The following UBAP2L variants were observed in gnomAD, a reference collection of about 807,000 sequenced individuals.
The protein encoded by UBAP2L is ubiquitin-associated protein 2-like.
UBAP2L carries 12 observed loss-of-function variants against 130.6 expected under a neutral mutation model. The ratio of observed to expected loss-of-function variants is 0.09; its 90% CI spans 0.06 to 0.15. The LOEUF (loss-of-function observed/expected upper bound fraction) is 0.15, where lower values mean the gene tolerates loss of function less well. UBAP2L is among the 10% of genes least tolerant of loss of function. UBAP2L has a pLI of 1.00. For synonymous variants in UBAP2L, 503 were observed against 524.7 expected (o/e 0.96, Z 0.57); for missense variants, 965 against 1,332.5 (o/e 0.72, Z 4.29).
At chr1:154,233,384 G>A (rs535514751) in intron 4 of UBAP2L, among the ~76,000 whole-genome samples, 1 of 151,620 alleles carries the variant, frequency 6.6e-6, no homozygotes, top group East Asian at 1.9e-4. Context: ...CAGTGGTGTG[G>A]TGCGATCTTG....
chr1:154,237,378 T>C (rs111486398), intron 8 of UBAP2L, among the ~76,000 whole-genome samples: 258 of 152,342 alleles, frequency 1.7e-3, no homozygotes, highest in African/African-American at 5.9e-3. Flanking sequence ...ATCATCACTT[T>C]CCAGATGACA....
chr1:154,245,765 A>AT (rs924056132), intron 10 of UBAP2L, among the ~76,000 whole-genome samples: 1 of 151,932 alleles, frequency 6.6e-6, no homozygotes, highest in Non-Finnish European at 1.5e-5. Context: ...ATACAAAAAA[A>AT]AAAAATTAGC....
In UBAP2L at chr1:154,270,620, G is replaced by T; in HGVS notation, c.*325G>T. 1 of 1,413,740 alleles carries T rather than the reference G, an allele frequency of 7.1e-7. No individual in the cohort carries two copies. Among genetic ancestry groups the T allele is most frequent in the Non-Finnish European group, 9.2e-7 (1 of 1,089,734 alleles). The allele number at this position is 1,413,740 out of a possible 1,614,324, so 87.6% of individuals were successfully genotyped here. On this transcript the variant is annotated 3_prime_UTR_variant, in exon 27 of 27. Transcript: ENST00000428931. ...ACCCTGGTGGTGTACGGATGAGGCG[G>T]GGAGGTGGGACCCCCAAACATATAT...
intron 12 of UBAP2L, among the ~76,000 whole-genome samples, chr1:154,250,192 G>A (rs553950961): frequency 1.9e-4 from 29 of 152,242 alleles, no homozygotes; most frequent in African/African-American, 6.7e-4. Context: ...CTGAGTAGCT[G>A]GGACCACAGG....
chr1:154,259,845 T>C, intron 21 of UBAP2L, 103 bp from the exon 22 acceptor site: 1 of 1,225,144 alleles, frequency 8.2e-7, no homozygotes, highest in South Asian at 1.2e-5. Context: ...CTGGATAAAT[T>C]GCACAACTCT....
At chr1:154,252,005 A>G (rs1478218172) in intron 14 of UBAP2L, among the ~76,000 whole-genome samples, 1 of 151,962 alleles carries the variant, frequency 6.6e-6, no homozygotes, top group East Asian at 1.9e-4. Flanking sequence ...ACAGAGTTTC[A>G]CTCTGTTGCT....
chr1:154,230,232 C>T (rs1024462319), intron 4 of UBAP2L, among the ~76,000 whole-genome samples: 2 of 152,146 alleles, frequency 1.3e-5, no homozygotes, highest in African/African-American at 4.8e-5. Flanking sequence ...GTCTTGAACT[C>T]CTGAGCTCAG....
At chr1:154,221,121 C>G (rs1242957950) in intron 1 of UBAP2L, 146 bp downstream of exon 1, 3 of 156,282 alleles carry the variant, frequency 1.9e-5, no homozygotes, top group Non-Finnish European at 4.3e-5. Context: ...GTATCCCCTC[C>G]CTCGGTAGGC....
chr1:154,224,230 C>G (rs1170964747), intron 1 of UBAP2L, among the ~76,000 whole-genome samples: 1 of 152,170 alleles, frequency 6.6e-6, no homozygotes, highest in Admixed American at 6.5e-5. Flanking sequence ...AAAATGATTT[C>G]TTAGAAGCAC....
Position 154,266,495 on chromosome 1 carries a change from C to T in UBAP2L, c.2903-6C>T, listed in dbSNP as rs769596300. On this transcript the variant is annotated splice_region_variant and splice_polypyrimidine_tract_variant and intron_variant, in intron 24 of 26. Coordinates refer to ENST00000428931, the MANE Select transcript of UBAP2L (RefSeq NM_014847.4). ...TAATCCTCCTGTCTGTTTCCTCCTC[C>T]CCCAGGTGTTTCAGTCACCTCCAGT... 6.2e-7 allele frequency: 1 copy of T among 1,614,114 alleles called. No individual in the cohort carries two copies. Among genetic ancestry groups the T allele is most frequent in the East Asian group, 2.2e-5 (1 of 44,878 alleles).
chr1:154,229,713 C>G (rs60743909), intron 4 of UBAP2L, among the ~76,000 whole-genome samples: 7,833 of 152,194 alleles, frequency 0.051, 705 homozygotes, highest in African/African-American at 0.18. Flanking sequence ...AGCTGCCCGC[C>G]TCGTCCTCCC....
In UBAP2L at chr1:154,225,138, G is replaced by A. The variant is rs769852234; in HGVS notation, c.15G>A (p.Val5=). 6 of 1,613,988 alleles carry A rather than the reference G, an allele frequency of 3.7e-6. No individual in the cohort carries two copies. In the Admixed American group the frequency reaches 1.0e-4, roughly 27 times the overall value. ...ATATACTGTAAATGATGACATCGGTGGGCACTAACCGAGCCCGGGGAAACT... is the reference window on the plus strand; with the variant it reads ...ATATACTGTAAATGATGACATCGGTAGGCACTAACCGAGCCCGGGGAAACT... MMTS[V]GTNRARGNWE... Residue 5 remains valine, a synonymous_variant, in exon 2 of 27, where the codon GTG becomes GTA. Transcript: ENST00000428931.
At chr1:154,262,600 A>T (rs982213105) in intron 24 of UBAP2L, among the ~76,000 whole-genome samples, 1 of 152,118 alleles carries the variant, frequency 6.6e-6, no homozygotes, top group East Asian at 1.9e-4. Context: ...TTTCACCCTT[A>T]TGTGGGCTCT....
chr1:154,255,160 G>C lies in UBAP2L; in HGVS notation c.1918G>C (p.Gly640Arg). The change falls in exon 17 of 27, where the codon GGC becomes CGC. Residue 640 changes from glycine (G) to arginine (R), a missense_variant. Physicochemically the swap from Gly to Arg is moderately radical, Grantham distance 125. Around this residue, in one of 9 missense-constraint regions of UBAP2L, gnomAD observed 393 missense variants for 408.1 expected, o/e 0.96. Coordinates refer to ENST00000428931, the MANE Select transcript of UBAP2L (RefSeq NM_014847.4). ...QTTQSVEGAT[G>R]SAVKSDSPST... The stretch of plus-strand genomic sequence containing the variant: ...TTCTTCTAAATTTCTAGGTGCTACA[G>C]GCTCTGCAGTGAAATCTGATTCACC... The C allele has an allele frequency of 6.2e-7, 1 of 1,613,958 alleles. No homozygotes were observed. Among genetic ancestry groups the C allele is most frequent in the Non-Finnish European group, 8.5e-7 (1 of 1,179,914 alleles).
chr1:154,237,785 T>A (rs1672153509), intron 8 of UBAP2L, among the ~76,000 whole-genome samples: 1 of 152,218 alleles, frequency 6.6e-6, no homozygotes, highest in South Asian at 2.1e-4. Flanking sequence ...TAAGATTACT[T>A]TTTTGTTAAC....
Position 154,235,422 on chromosome 1 carries a change from A to G in UBAP2L, c.544+131A>G, listed in dbSNP as rs576217074. 2.3e-3 allele frequency: 1,356 copies of G among 577,904 alleles called. 2 individuals carry two copies. The highest frequency in any genetic ancestry group is 3.5e-3 in the Non-Finnish European group (1,148 of 323,468). 35.8% of individuals were successfully genotyped at this position (577,904 alleles called of 1,614,324 possible). On this transcript the variant is annotated intron_variant, in intron 6 of 26. Transcript: ENST00000428931. ...GGCCGGAGTGCAGTGGCACAGTCAT[A>G]GCTCACTGCAGCCTCAGACTCCTGG... is the stretch of plus-strand genomic sequence containing the variant.
chr1:154,247,962 T>G (rs1676094418), intron 11 of UBAP2L, among the ~76,000 whole-genome samples: 1 of 151,206 alleles, frequency 6.6e-6, no homozygotes, highest in South Asian at 2.1e-4. Flanking sequence ...TTTTTATTTT[T>G]TATTTATTTT....
rs1041608186 is a variant in UBAP2L at position 154,270,774 on chromosome 1, T to TTG, written c.*480_*481insGT. The stretch of plus-strand genomic sequence containing the variant: ...AGTTGAAGTGGTTTTTTTTTTGTTT[T>TTG]TTTTTTTTTTTTGTACTGTGTCCTC... On this transcript the variant is annotated 3_prime_UTR_variant, in exon 27 of 27. Coordinates refer to ENST00000428931, the MANE Select transcript of UBAP2L (RefSeq NM_014847.4). 1.6e-4 allele frequency: 190 copies of TTG among 1,219,976 alleles called. 5 individuals are homozygous for TTG. The East Asian group carries it at 3.7e-3, about 23-fold the overall frequency. The allele number at this position is 1,219,976 out of a possible 1,614,324, so 75.6% of individuals were successfully genotyped here. A position where few individuals can be genotyped will look rare whatever the true frequency, so the allele number is the denominator to read the frequency against.
chr1:154,264,600 TA>T (rs1272297355), intron 24 of UBAP2L, among the ~76,000 whole-genome samples: 1 of 152,182 alleles, frequency 6.6e-6, no homozygotes, highest in Non-Finnish European at 1.5e-5. Context: ...GTTTTTAGCC[TA>T]AACTCTGGAA....
Sources: allele counts gnomAD v4.1 joint callset (sites outside exome capture counted in the v4.1 genomes callset), GRCh38; gene constraint gnomAD v4.1.1; regional missense constraint gnomAD v4.1.1; transcripts MANE v1.5; gene names NCBI Gene and HGNC (gene_info 2026-07-23, HGNC 2026-07-21).